SNAP91: variants seen among roughly 807,000 people sequenced by gnomAD.
The protein encoded by SNAP91 is synaptosome associated protein 91, also known as clathrin coat assembly protein AP180.
A neutral mutation model predicts 100.3 loss-of-function variants in SNAP91; 27 were observed. The observed-to-expected ratio is 0.27, with a 90% CI of 0.20 to 0.37. The LOEUF (loss-of-function observed/expected upper bound fraction) is 0.37, where lower values mean the gene tolerates loss of function less well. Among genes scored for constraint, SNAP91 ranks in the 10% least tolerant of loss-of-function variants. The pLI is 1.00. For missense variants in SNAP91, 986 were observed against 1,123.7 expected (o/e 0.88, Z 1.75); for synonymous variants, 404 against 398.6 (o/e 1.01, Z -0.16).
At chr6:83,669,433 A>G (rs1245503685) in intron 2 of SNAP91, among the ~76,000 whole-genome samples, 1 of 151,836 alleles carries the variant, frequency 6.6e-6, no homozygotes, top group Non-Finnish European at 1.5e-5. Flanking sequence ...TCTAAGTTTT[A>G]TTTGAACTTG....
chr6:83,631,908 T>C (rs2097220058), intron 8 of SNAP91, among the ~76,000 whole-genome samples: 1 of 152,064 alleles, frequency 6.6e-6, no homozygotes, highest in Non-Finnish European at 1.5e-5. Flanking sequence ...TGGTTTTTTG[T>C]TTTTGTTTTT....
chr6:83,689,216 T>C (rs750727197), intron 2 of SNAP91, among the ~76,000 whole-genome samples: 21 of 152,162 alleles, frequency 1.4e-4, no homozygotes, highest in Non-Finnish European at 2.8e-4. Flanking sequence ...AACAGCTTGA[T>C]AACAGAGCAG....
intron 9 of SNAP91, among the ~76,000 whole-genome samples, chr6:83,622,820 T>A (rs1409957492): frequency 6.6e-6 from 1 of 152,096 alleles, no homozygotes; most frequent in Non-Finnish European, 1.5e-5. Context: ...ATTTTATACA[T>A]GGACATTTCT....
In SNAP91 at chr6:83,593,798, C is replaced by T. The variant is rs2094131862; in HGVS notation, c.1433-57G>A. On this transcript the variant is annotated intron_variant, in intron 17 of 29. Coordinates refer to ENST00000369694, the MANE Select transcript of SNAP91 (RefSeq NM_001242792.2). ...CATCAGTAAGGAAAGAGACAAGAGACAGCATCATAACTATGGCAAGAGACA... is the reference window on the plus strand; with the variant it reads ...CATCAGTAAGGAAAGAGACAAGAGATAGCATCATAACTATGGCAAGAGACA... 9.2e-6 allele frequency: 14 copies of T among 1,514,020 alleles called. No individual in the cohort carries two copies. In the Admixed American group the frequency reaches 2.9e-4, roughly 31 times the overall value. The allele number at this position is 1,514,020 out of a possible 1,614,324, so 93.8% of individuals were successfully genotyped here.
In SNAP91 at chr6:83,645,868, T is replaced by A. The variant is rs924853711; in HGVS notation, c.659-4666A>T. ...CTCCACTAAACACCAATGATCTTTT[T>A]TACTGTCTTCATAGCTTTGCCTTTT... is the stretch of plus-strand genomic sequence containing the variant. On this transcript the variant is annotated intron_variant, in intron 7 of 29. Coordinates refer to ENST00000369694, the MANE Select transcript of SNAP91 (RefSeq NM_001242792.2). Among the ~76,000 whole-genome samples, 6 of 152,148 alleles carry A rather than the reference T, an allele frequency of 3.9e-5. No homozygotes were observed. The South Asian group carries it at 1.2e-3, about 32-fold the overall frequency.
Position 83,656,824 on chromosome 6 carries a change from T to C in SNAP91, c.588A>G (p.Ala196=), listed in dbSNP as rs781090791. Residue 196 remains alanine, a synonymous_variant, in exon 7 of 30, where the codon GCA becomes GCG. Transcript: ENST00000369694. ...NELTNGVINA[A]FMLLFKDLIK... Reference sequence around the variant, plus strand: ...TAAGATCTTTGAAAAGAAGCATAAATGCTGCATTTATGACACCATTTGTTA... The same window carrying C: ...TAAGATCTTTGAAAAGAAGCATAAACGCTGCATTTATGACACCATTTGTTA... 1.2e-6 allele frequency: 2 copies of C among 1,607,534 alleles called. No homozygotes were observed. Among genetic ancestry groups the C allele is most frequent in the East Asian group, 2.2e-5 (1 of 44,588 alleles).
In SNAP91 at chr6:83,687,780, G is replaced by A. The variant is rs141579834; in HGVS notation, c.130+20018C>T. On this transcript the variant is annotated intron_variant, in intron 2 of 29. Coordinates refer to ENST00000369694, the MANE Select transcript of SNAP91 (RefSeq NM_001242792.2). ...GAAAACTGGGACTAGCAGGGGCAGA[G>A]GAGATTGTAGGATTTATATTTATTT... Among the ~76,000 whole-genome samples, 175 of 152,306 alleles carry A rather than the reference G, an allele frequency of 1.1e-3. 2 individuals carry two copies. Among genetic ancestry groups the A allele is most frequent in the Admixed American group, 7.5e-3 (114 of 15,302 alleles).
intron 3 of SNAP91, 73 bp from the exon 4 acceptor site, chr6:83,662,495 ATT>A (rs34529044): frequency 7.2e-4 from 319 of 444,408 alleles, no homozygotes; most frequent in South Asian, 1.4e-3. Flanking sequence ...CACTAAAGCG[ATT>A]TTTTTTTTTA....
intron 24 of SNAP91, among the ~76,000 whole-genome samples, 191 bp from the exon 25 acceptor site, chr6:83,576,244 C>T (rs945298648): frequency 6.6e-6 from 1 of 152,138 alleles, no homozygotes; most frequent in African/African-American, 2.4e-5. Context: ...TCTTTTACTT[C>T]ATGTTAGACT....
At chr6:83,666,000 T>G (rs559564116) in intron 2 of SNAP91, among the ~76,000 whole-genome samples, 1 of 152,224 alleles carries the variant, frequency 6.6e-6, no homozygotes, top group South Asian at 2.1e-4. Flanking sequence ...CTCTTCAAAC[T>G]TAACAGCTAA....
At chr6:83,640,729 G>T (rs1263096767) in intron 8 of SNAP91, among the ~76,000 whole-genome samples, 1 of 152,096 alleles carries the variant, frequency 6.6e-6, no homozygotes, top group African/African-American at 2.4e-5. Context: ...TAATAAACAG[G>T]CTTTTCTAAA....
chr6:83,704,100 T>C (rs1430734369), intron 2 of SNAP91, among the ~76,000 whole-genome samples: 1 of 150,328 alleles, frequency 6.7e-6, no homozygotes, highest in East Asian at 2.0e-4. Context: ...ACTTGGGCTA[T>C]CCCTTAGGGC....
At position 83,699,151 on chromosome 6, in the gene SNAP91, G is replaced by A. The variant is rs562622227; in HGVS notation, c.130+8647C>T. On this transcript the variant is annotated intron_variant, in intron 2 of 29. Coordinates refer to ENST00000369694, the MANE Select transcript of SNAP91 (RefSeq NM_001242792.2). ...GCTCCCTAGGATTCCCACAAATGAA[G>A]TACTAGCCAACATGACCTCAGAGTC... Among the ~76,000 whole-genome samples the A allele has an allele frequency of 1.4e-4, 21 of 152,190 alleles. No homozygotes were observed. The South Asian group carries it at 3.3e-3, about 24-fold the overall frequency.
In SNAP91 at chr6:83,661,526, A is replaced by G; in HGVS notation, c.428T>C (p.Phe143Ser). The G allele has an allele frequency of 6.2e-7, 1 of 1,609,248 alleles. No homozygotes were observed. The highest frequency in any genetic ancestry group is 1.1e-5 in the South Asian group (1 of 90,280). ...CCCTTTCTTCACCCTGGCAAAATCA[A>G]AGGCCATCTGTCTGTAAGAAAAAGC... The part of the protein sequence containing the change: ...EKAFSYRQMA[F>S]DFARVKKGAD... The change falls in exon 5 of 30, where the codon TTT becomes TCT. Residue 143 changes from phenylalanine (F) to serine (S), a missense_variant. Around this residue, in one of 4 missense-constraint regions of SNAP91, gnomAD observed 330 missense variants for 447.5 expected, o/e 0.74. Coordinates refer to ENST00000369694, the MANE Select transcript of SNAP91 (RefSeq NM_001242792.2).
At chr6:83,666,552 C>A (rs1199267346) in intron 2 of SNAP91, among the ~76,000 whole-genome samples, 1 of 152,102 alleles carries the variant, frequency 6.6e-6, no homozygotes, top group South Asian at 2.1e-4. Context: ...TCTTCTTACT[C>A]CAAATCCACA....
At chr6:83,649,056 T>C (rs540188488) in intron 7 of SNAP91, among the ~76,000 whole-genome samples, 1 of 152,350 alleles carries the variant, frequency 6.6e-6, no homozygotes, top group South Asian at 2.1e-4. Context: ...CTTTTATATT[T>C]AGGCCAATAA....
intron 7 of SNAP91, among the ~76,000 whole-genome samples, chr6:83,647,052 G>C (rs1357754874): frequency 6.7e-6 from 1 of 148,868 alleles, no homozygotes; most frequent in African/African-American, 2.5e-5. Context: ...TTGCAACCTT[G>C]CTATAATTGC....
upstream of SNAP91, chr6:83,709,281 G>C (rs2099421775): frequency 1.3e-5 from 2 of 152,238 alleles, no homozygotes; most frequent in South Asian, 4.1e-4. Context: ...AGCATCCCCG[G>C]CAAGCCGGCG....
chr6:83,707,965 A>C lies in SNAP91; in HGVS notation c.-30-8T>G, dbSNP rs2099402291. ...CGTCTACCGCCTCCTCTTCTGCAGG[A>C]AACAAGGGGAGACGGTCCGGCTTTA... On this transcript the variant is annotated splice_region_variant and splice_polypyrimidine_tract_variant and intron_variant, in intron 1 of 29. Coordinates refer to ENST00000369694, the MANE Select transcript of SNAP91 (RefSeq NM_001242792.2). 1 of 1,543,942 alleles carries C rather than the reference A, an allele frequency of 6.5e-7. No individual in the cohort carries two copies. Among genetic ancestry groups the C allele is most frequent in the Non-Finnish European group, 8.7e-7 (1 of 1,155,540 alleles).
Sources: gnomAD v4.1 joint callset for allele counts (sites outside exome capture counted in the v4.1 genomes callset) on GRCh38, gnomAD v4.1.1 for gene constraint, gnomAD v4.1.1 regional missense constraint, MANE v1.5 for transcripts, NCBI Gene and HGNC (gene_info 2026-07-23, HGNC 2026-07-21) for gene names.